MOB3B: variants seen among roughly 807,000 people sequenced by gnomAD.
MOB3B encodes the protein MOB kinase activator-like 2B.
A neutral mutation model predicts 18.7 loss-of-function variants in MOB3B; 7 were observed. The observed-to-expected ratio is 0.37, with a 90% CI of 0.21 to 0.70. The LOEUF (loss-of-function observed/expected upper bound fraction) is 0.70. Ranked by LOEUF, MOB3B falls within the 30% of genes least tolerant of loss-of-function variation. The probability of loss-of-function intolerance (pLI) is 0.52; values close to 1 mark genes in which losing one functional copy is unlikely to be tolerated. For synonymous variants in MOB3B, 111 were observed against 99.9 expected (o/e 1.11, Z -0.66); for missense variants, 253 against 281.3 (o/e 0.90, Z 0.72).
chr9:27,371,546 C>A (rs1028915186), intron 2 of MOB3B, among the ~76,000 whole-genome samples: 3 of 152,152 alleles, frequency 2.0e-5, no homozygotes, highest in African/African-American at 7.2e-5. Flanking sequence ...AAAATCTTAT[C>A]TCTGGGTCAA....
At chr9:27,446,308 G>A (rs1451313837) in intron 2 of MOB3B, among the ~76,000 whole-genome samples, 5 of 151,940 alleles carry the variant, frequency 3.3e-5, no homozygotes, top group East Asian at 1.9e-4. Context: ...AGTTCACCAC[G>A]TGTCTACTTT....
At chr9:27,493,604 G>A (rs1040839759) in intron 1 of MOB3B, among the ~76,000 whole-genome samples, 2 of 151,924 alleles carry the variant, frequency 1.3e-5, no homozygotes, top group African/African-American at 4.8e-5. Context: ...TCCCGCCACT[G>A]CATTCCAGCC....
At position 27,487,153 on chromosome 9, in the gene MOB3B, A is replaced by AAATAAATAAATAAAAT. The variant is rs1241652908; in HGVS notation, c.-198-31406_-198-31405insATTTTATTTATTTATT. 5.2e-4 allele frequency among the ~76,000 whole-genome samples: 12 copies of AAATAAATAAATAAAAT among 22,892 alleles called. No individual in the cohort carries two copies. The East Asian group carries it at 0.02, about 38-fold the overall frequency. 15.0% of individuals were successfully genotyped at this position (22,892 alleles called of 152,430 possible). A position where few individuals can be genotyped will look rare whatever the true frequency, so the allele number is the denominator to read the frequency against. On this transcript the variant is annotated intron_variant, in intron 1 of 3. Transcript: ENST00000262244. ...CTCAAAAATAAATAAATAAATAAAT[A>AAATAAATAAATAAAAT]AAATAAATAAATAATTCTTAGCGTT...
chr9:27,465,618 G>A lies in MOB3B; in HGVS notation c.-198-9870C>T, dbSNP rs372359238. 1.3e-3 allele frequency among the ~76,000 whole-genome samples: 192 copies of A among 152,300 alleles called. No individual in the cohort carries two copies. The East Asian group carries it at 0.014, about 11-fold the overall frequency. ...CATTTCCCTTCTGCACTGCCCTAGC[G>A]GAGGTTCTCCATGAGGGTCCCGCCC... On this transcript the variant is annotated intron_variant, in intron 1 of 3. Transcript: ENST00000262244.
chr9:27,388,904 T>C (rs1181627529), intron 2 of MOB3B, among the ~76,000 whole-genome samples: 1 of 152,074 alleles, frequency 6.6e-6, no homozygotes, highest in African/African-American at 2.4e-5. Context: ...ATCTTGAAAG[T>C]TTCCTCTTCC....
chr9:27,448,475 G>A (rs1822729059), intron 2 of MOB3B, among the ~76,000 whole-genome samples: 1 of 152,190 alleles, frequency 6.6e-6, no homozygotes, highest in African/African-American at 2.4e-5. Context: ...GCAGACAAGA[G>A]AGAATGAGAA....
chr9:27,522,050 C>T (rs1300968088), intron 1 of MOB3B, among the ~76,000 whole-genome samples: 1 of 151,418 alleles, frequency 6.6e-6, no homozygotes, highest in Non-Finnish European at 1.5e-5. Flanking sequence ...AGACCGTCGT[C>T]GCCAACATGG....
At chr9:27,377,035 T>C (rs1821499269) in intron 2 of MOB3B, among the ~76,000 whole-genome samples, 1 of 152,246 alleles carries the variant, frequency 6.6e-6, no homozygotes, top group East Asian at 1.9e-4. Flanking sequence ...TTAGCCTCTC[T>C]GAGGCTGTTT....
Position 27,351,223 on chromosome 9 carries a change from G to A in MOB3B, c.621+7811C>T, listed in dbSNP as rs1044363353. Among the ~76,000 whole-genome samples, 8 of 152,312 alleles carry A rather than the reference G, an allele frequency of 5.3e-5. No individual in the cohort carries two copies. The East Asian group carries it at 1.2e-3, about 22-fold the overall frequency. On this transcript the variant is annotated intron_variant, in intron 3 of 3. Transcript: ENST00000262244. ...TGGCCCACAGTGGGCTTTAATCCAT[G>A]AAGGGCTCTCTAAGCAAAGAGAAAC... is the stretch of plus-strand genomic sequence containing the variant.
chr9:27,456,662 G>A (rs1822875329), intron 1 of MOB3B, among the ~76,000 whole-genome samples: 1 of 152,112 alleles, frequency 6.6e-6, no homozygotes, highest in Non-Finnish European at 1.5e-5. Flanking sequence ...CTTCCAATGT[G>A]CCGTCCTTTA....
chr9:27,326,289 A>C lies in MOB3B; in HGVS notation c.*4298T>G, dbSNP rs1820711058. 2.5e-6 allele frequency: 1 copy of C among 394,178 alleles called. No homozygotes were observed. Among genetic ancestry groups the C allele is most frequent in the African/African-American group, 2.1e-5 (1 of 48,550 alleles). The allele number at this position is 394,178 out of a possible 1,614,324, so 24.4% of individuals were successfully genotyped here. The stretch of plus-strand genomic sequence containing the variant: ...ACAATGGAGCAACAAGACTCCGTAG[A>C]GGATGCCACCCTGGGAGAATTGCAA... On this transcript the variant is annotated 3_prime_UTR_variant, in exon 4 of 4. Coordinates refer to ENST00000262244, the MANE Select transcript of MOB3B (RefSeq NM_024761.5).
At chr9:27,425,052 G>GT (rs1271405585) in intron 2 of MOB3B, among the ~76,000 whole-genome samples, 6 of 152,114 alleles carry the variant, frequency 3.9e-5, no homozygotes, top group African/African-American at 1.4e-4. Context: ...CCTCCAGTTA[G>GT]TTTTTGTTAC....
rs184650849 is a variant in MOB3B, at chr9:27,334,546, T to C, written c.622-3930A>G. 6.8e-3 allele frequency among the ~76,000 whole-genome samples: 1,032 copies of C among 152,334 alleles called. 14 individuals are homozygous for C. The highest frequency in any genetic ancestry group is 7.5e-3 in the Non-Finnish European group (513 of 68,036). ...TTCTGATCTAAACACTTTTTAAATTTAAATCTTCTTTATGTACTTGTTAGC... is the reference window on the plus strand; with the variant it reads ...TTCTGATCTAAACACTTTTTAAATTCAAATCTTCTTTATGTACTTGTTAGC... On this transcript the variant is annotated intron_variant, in intron 3 of 3. Coordinates refer to ENST00000262244, the MANE Select transcript of MOB3B (RefSeq NM_024761.5).
At chr9:27,397,379 C>T (rs1401477568) in intron 2 of MOB3B, 1 of 151,614 alleles carries the variant, frequency 6.6e-6, no homozygotes, top group South Asian at 2.1e-4. Context: ...TCTATTGAAC[C>T]ACAGCATAGA....
At chr9:27,453,298 A>T (rs1222765795) in intron 2 of MOB3B, among the ~76,000 whole-genome samples, 1 of 152,188 alleles carries the variant, frequency 6.6e-6, no homozygotes, top group Non-Finnish European at 1.5e-5. Flanking sequence ...CATTTCCCAA[A>T]CTTATTTTTC....
At chr9:27,441,085 G>C (rs935412474) in intron 2 of MOB3B, among the ~76,000 whole-genome samples, 5 of 152,110 alleles carry the variant, frequency 3.3e-5, no homozygotes, top group Non-Finnish European at 5.9e-5. Flanking sequence ...AGGAGGCTGA[G>C]ATCAAGCAGT....
At chr9:27,391,767 T>A (rs756575686) in intron 2 of MOB3B, 1 of 152,220 alleles carries the variant, frequency 6.6e-6, no homozygotes, top group Non-Finnish European at 1.5e-5. Context: ...AGGTATCATA[T>A]GTTCAGTTAA....
At chr9:27,507,288 T>A (rs1313698766) in intron 1 of MOB3B, among the ~76,000 whole-genome samples, 1 of 152,164 alleles carries the variant, frequency 6.6e-6, no homozygotes, top group African/African-American at 2.4e-5. Context: ...ACTCCTACCT[T>A]CTTGTTTTCT....
intron 2 of MOB3B, among the ~76,000 whole-genome samples, chr9:27,360,486 C>A (rs139450093): frequency 6.6e-6 from 1 of 152,222 alleles, no homozygotes; most frequent in Non-Finnish European, 1.5e-5. Context: ...GCCTTGGCGA[C>A]AGAGTGAGAC....
Sources: gnomAD v4.1 joint callset for allele counts (sites outside exome capture counted in the v4.1 genomes callset) on GRCh38, gnomAD v4.1.1 for gene constraint, MANE v1.5 for transcripts, NCBI Gene and HGNC (gene_info 2026-07-23, HGNC 2026-07-21) for gene names.